The following CNTN5 variants were observed in gnomAD, a reference collection of about 807,000 sequenced individuals.
CNTN5 encodes the protein contactin 5.
A neutral mutation model predicts 129.1 loss-of-function variants in CNTN5; 77 were observed. The ratio of observed to expected loss-of-function variants is 0.60; its 90% CI spans 0.50 to 0.72. The LOEUF is 0.72. Among genes scored for constraint, CNTN5 ranks in the 30% least tolerant of loss-of-function variants. The pLI is 0.00. For missense variants in CNTN5, 1,478 were observed against 1,328.8 expected (o/e 1.11, Z -1.75); for synonymous variants, 509 against 465.6 (o/e 1.09, Z -1.20).
intron 3 of CNTN5, among the ~76,000 whole-genome samples, chr11:99,750,031 C>A (rs1944179407): frequency 6.6e-6 from 1 of 152,142 alleles, no homozygotes; most frequent in Non-Finnish European, 1.5e-5. Flanking sequence ...TGAACTACAG[C>A]ATAGCCACTT....
At chr11:99,789,276 A>G (rs1283993919) in intron 3 of CNTN5, among the ~76,000 whole-genome samples, 3 of 151,970 alleles carry the variant, frequency 2.0e-5, no homozygotes, top group Admixed American at 6.6e-5. Context: ...CTCAATATTC[A>G]GAACAGCCAC....
chr11:99,853,508 T>C (rs1292769417), intron 6 of CNTN5, among the ~76,000 whole-genome samples: 17 of 152,062 alleles, frequency 1.1e-4, no homozygotes, highest in Admixed American at 9.8e-4. Context: ...CAAGCGATTC[T>C]CCTGCCTCAG....
chr11:99,541,956 CAAAAAAAAAAAAA>C (rs56363127), intron 2 of CNTN5, among the ~76,000 whole-genome samples: 2 of 68,876 alleles, frequency 2.9e-5, no homozygotes, highest in East Asian at 3.9e-4. Context: ...GATCTTGTCT[CAAAAAAAAAAAAA>C]AAAAAAAAAA....
At chr11:99,506,197 C>G (rs1462181480) in intron 2 of CNTN5, among the ~76,000 whole-genome samples, 1 of 152,076 alleles carries the variant, frequency 6.6e-6, no homozygotes, top group Admixed American at 6.5e-5. Context: ...ATTTCTTGGT[C>G]AGCAAATTAG....
chr11:99,832,092 A>C (rs531656560), intron 4 of CNTN5, among the ~76,000 whole-genome samples: 8 of 152,292 alleles, frequency 5.3e-5, no homozygotes, highest in Non-Finnish European at 7.4e-5. Flanking sequence ...TGCTGATGTT[A>C]TGAGTTGTCT....
intron 7 of CNTN5, among the ~76,000 whole-genome samples, chr11:99,939,985 A>G (rs1052848142): frequency 1.3e-5 from 2 of 152,186 alleles, no homozygotes; most frequent in African/African-American, 4.8e-5. Context: ...CAACCAGAAT[A>G]TTTCACTTCT....
intron 3 of CNTN5, among the ~76,000 whole-genome samples, chr11:99,668,674 A>G (rs754010147): frequency 2.6e-5 from 4 of 152,132 alleles, no homozygotes; most frequent in Non-Finnish European, 5.9e-5. Flanking sequence ...CATGCCTGTA[A>G]TCCTAGCACT....
intron 1 of CNTN5, among the ~76,000 whole-genome samples, chr11:99,243,580 T>C (rs1439378309): frequency 1.3e-5 from 2 of 152,086 alleles, no homozygotes; most frequent in Non-Finnish European, 2.9e-5. Context: ...TCTTCTAGGA[T>C]ATGTATAGTT....
chr11:99,838,176 A>G (rs916519965), intron 4 of CNTN5, among the ~76,000 whole-genome samples: 9 of 152,108 alleles, frequency 5.9e-5, no homozygotes, highest in Non-Finnish European at 1.0e-4. Flanking sequence ...TTCAGACAAT[A>G]ATCTGTTATG....
chr11:99,074,486 G>C (rs1460179546), intron 1 of CNTN5, among the ~76,000 whole-genome samples: 1 of 152,120 alleles, frequency 6.6e-6, no homozygotes, highest in Non-Finnish European at 1.5e-5. Context: ...CATGGCCAAA[G>C]ACTTCAAGAA....
rs1253215085 is a variant in CNTN5 at position 100,341,217 on chromosome 11, T to G, written c.3030+12T>G. On this transcript the variant is annotated intron_variant, in intron 23 of 24. Transcript: ENST00000524871. ...TTGTGGGTTACAAGGTCAGTATTTCTTCACTCTTTTGCATAGATACTCATC... is the reference window on the plus strand; with the variant it reads ...TTGTGGGTTACAAGGTCAGTATTTCGTCACTCTTTTGCATAGATACTCATC... 1 of 1,574,640 alleles carries G rather than the reference T, an allele frequency of 6.4e-7. No individual in the cohort carries two copies. Among genetic ancestry groups the G allele is most frequent in the Non-Finnish European group, 8.7e-7 (1 of 1,144,022 alleles).
chr11:99,840,856 T>A (rs7109987), intron 4 of CNTN5, among the ~76,000 whole-genome samples: 1 of 152,152 alleles, frequency 6.6e-6, no homozygotes, highest in Admixed American at 6.5e-5. Flanking sequence ...TGTAAGTATA[T>A]GGATTTAAAC....
chr11:99,976,419 C>G (rs1308914902), intron 8 of CNTN5, among the ~76,000 whole-genome samples: 1 of 152,196 alleles, frequency 6.6e-6, no homozygotes, highest in Non-Finnish European at 1.5e-5. Flanking sequence ...CCCTACATTT[C>G]CCCTTTGCAT....
chr11:100,310,252 A>G (rs991904821), intron 21 of CNTN5, among the ~76,000 whole-genome samples: 33 of 151,924 alleles, frequency 2.2e-4, no homozygotes, highest in African/African-American at 7.2e-4. Flanking sequence ...GCCACAAAGT[A>G]TATTCTGGTG....
chr11:99,889,332 G>T lies in CNTN5; in HGVS notation c.578-26722G>T, dbSNP rs1049419374. On this transcript the variant is annotated intron_variant, in intron 6 of 24. Coordinates refer to ENST00000524871, the MANE Select transcript of CNTN5 (RefSeq NM_014361.4). Reference sequence around the variant, plus strand: ...TGTGTGTGTGTGTGTGTGTGTGTGTGTGTGTGTGTGTGTGTGTGTGTGTGT... The same window carrying T: ...TGTGTGTGTGTGTGTGTGTGTGTGTTTGTGTGTGTGTGTGTGTGTGTGTGT... Among the ~76,000 whole-genome samples, 131 of 47,546 alleles carry T rather than the reference G, an allele frequency of 2.8e-3. 6 individuals carry two copies. The highest frequency in any genetic ancestry group is 7.1e-3 in the African/African-American group (119 of 16,662). The allele number at this position is 47,546 out of a possible 152,430, so 31.2% of individuals were successfully genotyped here. A position where few individuals can be genotyped will look rare whatever the true frequency, so the allele number is the denominator to read the frequency against.
intron 3 of CNTN5, among the ~76,000 whole-genome samples, chr11:99,610,813 A>C (rs1441970952): frequency 1.3e-5 from 2 of 152,170 alleles, no homozygotes; most frequent in Non-Finnish European, 2.9e-5. Flanking sequence ...AGATTTCCCC[A>C]AGGTAAGGGT....
At chr11:99,351,090 C>T (rs868290523) in intron 2 of CNTN5, among the ~76,000 whole-genome samples, 67 of 151,908 alleles carry the variant, frequency 4.4e-4, no homozygotes, top group African/African-American at 1.5e-3. Context: ...ATGGGTGCAG[C>T]AAACCACCAT....
At chr11:99,748,973 C>T (rs141944631) in intron 3 of CNTN5, among the ~76,000 whole-genome samples, 47 of 152,304 alleles carry the variant, frequency 3.1e-4, no homozygotes, top group African/African-American at 1.1e-3. Flanking sequence ...AGTCTCCTTA[C>T]TCATTATTGG....
intron 8 of CNTN5, among the ~76,000 whole-genome samples, chr11:99,973,539 C>T (rs567974117): frequency 3.6e-4 from 55 of 152,214 alleles, no homozygotes; most frequent in Non-Finnish European, 2.4e-4. Flanking sequence ...CCTGATTTTT[C>T]TCTGAATATC....
Sources: allele counts gnomAD v4.1 joint callset (sites outside exome capture counted in the v4.1 genomes callset), GRCh38; gene constraint gnomAD v4.1.1; transcripts MANE v1.5; gene names NCBI Gene and HGNC (gene_info 2026-07-23, HGNC 2026-07-21).